The following TMEM232 variants were observed in gnomAD, a reference collection of about 807,000 sequenced individuals.
The protein encoded by TMEM232 is transmembrane protein 232.
TMEM232 carries 80 observed loss-of-function variants against 78.8 expected under a neutral mutation model. The ratio of observed to expected loss-of-function variants is 1.01; its 90% CI spans 0.85 to 1.22. The LOEUF (loss-of-function observed/expected upper bound fraction) is 1.22. Ranked by LOEUF, TMEM232 falls within the 50% of genes most tolerant of loss-of-function variation. The pLI, the probability that TMEM232 is intolerant of heterozygous loss-of-function variation, is 0.00. For synonymous variants in TMEM232, 297 were observed against 254.3 expected (o/e 1.17, Z -1.60); for missense variants, 881 against 742.2 (o/e 1.19, Z -2.17).
At chr5:110,495,136 A>C (rs190988275) in intron 12 of TMEM232, among the ~76,000 whole-genome samples, 33 of 151,224 alleles carry the variant, frequency 2.2e-4, no homozygotes, top group Admixed American at 2.0e-3. Context: ...AATATTATAT[A>C]AAATAAATAG....
chr5:110,582,154 C>T (rs1481305931), intron 10 of TMEM232, among the ~76,000 whole-genome samples: 3 of 151,946 alleles, frequency 2.0e-5, no homozygotes, highest in African/African-American at 4.8e-5. Context: ...AATCTCATTA[C>T]TGCGTATATA....
intron 1 of TMEM232, among the ~76,000 whole-genome samples, chr5:110,690,581 C>G (rs1456218559): frequency 1.3e-5 from 2 of 152,166 alleles, no homozygotes; most frequent in Non-Finnish European, 2.9e-5. Flanking sequence ...CCTCAATGAT[C>G]TAGAACCAGA....
At chr5:110,480,492 G>A (rs914065840) in intron 12 of TMEM232, among the ~76,000 whole-genome samples, 4 of 151,968 alleles carry the variant, frequency 2.6e-5, no homozygotes, top group African/African-American at 9.7e-5. Context: ...TTTAGATTTT[G>A]TTTGGTTTGG....
At position 110,528,732 on chromosome 5, in the gene TMEM232, G is replaced by A; in HGVS notation, c.1559C>T (p.Ala520Val). The A allele has an allele frequency of 2.0e-6, 3 of 1,534,406 alleles. No homozygotes were observed. The South Asian group carries it at 3.6e-5, about 18-fold the overall frequency. ...VFSKYIGWRI[A>V]NTLSKLFFPP... ...AAAGAATAGTTTGGAAAGAGTGTTGGCAATTCTCCACCCAATATATTTGGA... is the reference window on the plus strand; with the variant it reads ...AAAGAATAGTTTGGAAAGAGTGTTGACAATTCTCCACCCAATATATTTGGA... The change falls in exon 12 of 14, where the codon GCC becomes GTC. Residue 520 changes from alanine to valine, a missense_variant. By Grantham distance (64) the Ala-to-Val change is moderately conservative (BLOSUM62 0). Coordinates refer to ENST00000455884, the MANE Select transcript of TMEM232 (RefSeq NM_001039763.4).
chr5:110,471,811 G>T (rs1442853680), intron 12 of TMEM232, among the ~76,000 whole-genome samples: 1 of 151,826 alleles, frequency 6.6e-6, no homozygotes, highest in East Asian at 1.9e-4. Flanking sequence ...TTGTTTTTCA[G>T]AAAAGATAAA....
chr5:110,594,063 A>C (rs1779856760), intron 10 of TMEM232, among the ~76,000 whole-genome samples: 1 of 152,052 alleles, frequency 6.6e-6, no homozygotes, highest in Non-Finnish European at 1.5e-5. Context: ...CAGTGAAACC[A>C]ACGCAGAAGG....
chr5:110,636,085 A>G (rs1357172329), intron 5 of TMEM232, among the ~76,000 whole-genome samples: 1 of 152,036 alleles, frequency 6.6e-6, no homozygotes, highest in East Asian at 1.9e-4. Context: ...ATTTGGCAAT[A>G]AAATAATGAA....
intron 10 of TMEM232, among the ~76,000 whole-genome samples, chr5:110,598,035 C>T (rs1360431191): frequency 6.6e-6 from 1 of 152,112 alleles, no homozygotes; most frequent in Admixed American, 6.6e-5. Context: ...AACTAAAGAG[C>T]TTCTGCACAG....
At chr5:110,413,640 T>C (rs528868314) in intron 2 of TMEM232, among the ~76,000 whole-genome samples, 1 of 152,300 alleles carries the variant, frequency 6.6e-6, no homozygotes, top group African/African-American at 2.4e-5. Context: ...TCTGCAGGAT[T>C]CTTTGCCTTT....
upstream of TMEM232, among the ~76,000 whole-genome samples, chr5:110,728,468 G>T (rs1414312629): frequency 1.3e-5 from 2 of 151,708 alleles, no homozygotes; most frequent in Non-Finnish European, 2.9e-5. Flanking sequence ...TCAGAGGAAT[G>T]AAGCTTAAAA....
chr5:110,513,204 A>G (rs1301020442), intron 12 of TMEM232, among the ~76,000 whole-genome samples: 2 of 152,310 alleles, frequency 1.3e-5, no homozygotes, highest in East Asian at 3.9e-4. Context: ...CCGATGTACG[A>G]AGCATAGTTC....
chr5:110,474,725 T>C (rs1392674495), intron 12 of TMEM232, among the ~76,000 whole-genome samples: 7 of 151,938 alleles, frequency 4.6e-5, no homozygotes, highest in Non-Finnish European at 8.8e-5. Context: ...AAACAGTTAA[T>C]ATATAAAATC....
At chr5:110,715,985 A>G (rs1034482979) in intron 1 of TMEM232, among the ~76,000 whole-genome samples, 8 of 152,140 alleles carry the variant, frequency 5.3e-5, no homozygotes, top group African/African-American at 1.9e-4. Flanking sequence ...AAATTTTTAA[A>G]TCTACCTATG....
chr5:110,542,452 G>C (rs575366805), intron 11 of TMEM232, among the ~76,000 whole-genome samples: 2 of 152,044 alleles, frequency 1.3e-5, no homozygotes, highest in East Asian at 3.9e-4. Context: ...CATGTGACAG[G>C]GCTTCCAGCC....
At chr5:110,525,844 T>C (rs1051902112) in intron 12 of TMEM232, among the ~76,000 whole-genome samples, 1 of 151,038 alleles carries the variant, frequency 6.6e-6, no homozygotes, top group African/African-American at 2.4e-5. Context: ...ATGGTTAGAA[T>C]AGCTTAGAAT....
intron 1 of TMEM232, among the ~76,000 whole-genome samples, chr5:110,680,697 T>A (rs777187580): frequency 4.6e-5 from 7 of 152,096 alleles, no homozygotes; most frequent in Non-Finnish European, 7.4e-5. Context: ...GCTAGATATG[T>A]CTTTTTTTGG....
chr5:110,625,289 T>C lies in TMEM232; in HGVS notation c.746A>G (p.Tyr249Cys), dbSNP rs1265657141. The part of the protein sequence containing the change: ...IFRPVEDKKR[Y>C]ENTDSDMGGY... ...CACCATATCAGAATCTGTGTTCTCA[T>C]ATCTTTTCTTATCTTCCACAGGTCT... is the stretch of plus-strand genomic sequence containing the variant. Residue 249 changes from tyrosine (Y) to cysteine (C), a missense_variant, in exon 7 of 14, where the codon TAT becomes TGT. By Grantham distance (194) the Tyr-to-Cys change is radical. Coordinates refer to ENST00000455884, the MANE Select transcript of TMEM232 (RefSeq NM_001039763.4). 6.5e-7 allele frequency: 1 copy of C among 1,541,536 alleles called. No homozygotes were observed. The highest frequency in any genetic ancestry group is 1.2e-5 in the South Asian group (1 of 82,036).
chr5:110,638,744 G>A (rs1277139357), intron 4 of TMEM232, among the ~76,000 whole-genome samples: 1 of 152,158 alleles, frequency 6.6e-6, no homozygotes, highest in Admixed American at 6.6e-5. Flanking sequence ...CACCAAGGTC[G>A]AGAGGCTAGA....
In TMEM232 at chr5:110,627,854, A is replaced by T. The variant is rs1784618146; in HGVS notation, c.528T>A (p.Leu176=). The T allele has an allele frequency of 6.5e-7, 1 of 1,534,920 alleles. No individual in the cohort carries two copies. Among genetic ancestry groups the T allele is most frequent in the Admixed American group, 2.2e-5 (1 of 45,926 alleles). ...AKIGYLVFLR[L]FIFFLHGHLE... Reference sequence around the variant, plus strand: ...GATGACCATGCAGGAAAAATATAAAAAGTCGTAAGAAGACCAAATAGCCAA... The same window carrying T: ...GATGACCATGCAGGAAAAATATAAATAGTCGTAAGAAGACCAAATAGCCAA... The change falls in exon 6 of 14, where the codon CTT becomes CTA. Residue 176 remains leucine, a synonymous_variant. Transcript: ENST00000455884.
Sources: allele counts gnomAD v4.1 joint callset (sites outside exome capture counted in the v4.1 genomes callset), GRCh38; gene constraint gnomAD v4.1.1; transcripts MANE v1.5; gene names NCBI Gene and HGNC (gene_info 2026-07-23, HGNC 2026-07-21).